DLGAP1: variants seen among roughly 807,000 people sequenced by gnomAD.
The protein encoded by DLGAP1 is disks large-associated protein 1.
A neutral mutation model predicts 90.8 loss-of-function variants in DLGAP1; 11 were observed. The ratio of observed to expected loss-of-function variants is 0.12; its 90% confidence interval spans 0.08 to 0.20. DLGAP1 has a LOEUF of 0.20. Among genes scored for constraint, DLGAP1 ranks in the 10% least tolerant of loss-of-function variants. The pLI is 1.00. For synonymous variants in DLGAP1, 558 were observed against 540.7 expected (o/e 1.03, Z -0.44); for missense variants, 1,050 against 1,333.8 (o/e 0.79, Z 3.31).
chr18:4,288,296 G>A (rs1418393991), intron 1 of DLGAP1, among the ~76,000 whole-genome samples: 2 of 152,286 alleles, frequency 1.3e-5, no homozygotes, highest in South Asian at 4.1e-4. Flanking sequence ...GGGAGGCATA[G>A]TGTCACAATT....
chr18:4,103,057 T>C (rs1165452612), intron 2 of DLGAP1, among the ~76,000 whole-genome samples: 1 of 152,220 alleles, frequency 6.6e-6, no homozygotes, highest in Non-Finnish European at 1.5e-5. Context: ...CCTTTTCTGC[T>C]TCTTCTGGGG....
intron 7 of DLGAP1, among the ~76,000 whole-genome samples, chr18:3,615,455 C>T (rs12607098): frequency 0.63 from 95,567 of 151,864 alleles, 30,549 homozygotes; most frequent in East Asian, 0.74. Context: ...GGGAGGAAAA[C>T]TGGGTCACAA....
intron 1 of DLGAP1, among the ~76,000 whole-genome samples, chr18:4,304,931 C>CA (rs36110099): frequency 0.52 from 74,580 of 142,226 alleles, 22,124 homozygotes; most frequent in East Asian, 0.73. Context: ...AACTGTGTCT[C>CA]AAAAAAAAAA....
At chr18:4,089,152 C>G (rs570972439) in intron 2 of DLGAP1, among the ~76,000 whole-genome samples, 9 of 141,036 alleles carry the variant, frequency 6.4e-5, no homozygotes, top group Admixed American at 6.2e-4. Context: ...TTCCTATACA[C>G]CAACAATAGA....
At chr18:3,779,801 T>G (rs1056110964) in intron 5 of DLGAP1, among the ~76,000 whole-genome samples, 1 of 151,848 alleles carries the variant, frequency 6.6e-6, no homozygotes, top group Non-Finnish European at 1.5e-5. Flanking sequence ...TTTCTTTTTT[T>G]TTTTGAGAGA....
chr18:4,243,426 C>G (rs537320503), intron 1 of DLGAP1, among the ~76,000 whole-genome samples: 23 of 152,172 alleles, frequency 1.5e-4, no homozygotes, highest in African/African-American at 5.3e-4. Flanking sequence ...GGACTTCCTG[C>G]CAGATCCTCC....
At chr18:3,505,796 T>A (rs1179760839) in intron 11 of DLGAP1, among the ~76,000 whole-genome samples, 1 of 152,150 alleles carries the variant, frequency 6.6e-6, no homozygotes, top group Non-Finnish European at 1.5e-5. Flanking sequence ...ATTGCGACTG[T>A]CTTCCCCCAT....
intron 7 of DLGAP1, among the ~76,000 whole-genome samples, chr18:3,662,849 A>C (rs2059733355): frequency 6.6e-6 from 1 of 152,372 alleles, no homozygotes; most frequent in East Asian, 1.9e-4. Context: ...CTGTATTATC[A>C]GTATACGTTG....
At chr18:3,960,097 G>A (rs1568320734) in intron 3 of DLGAP1, among the ~76,000 whole-genome samples, 1 of 152,132 alleles carries the variant, frequency 6.6e-6, no homozygotes, top group Non-Finnish European at 1.5e-5. Flanking sequence ...CTTTTTCTCT[G>A]CCTTGAAACA....
chr18:4,413,963 C>T (rs973709337), intron 1 of DLGAP1, among the ~76,000 whole-genome samples: 2 of 152,130 alleles, frequency 1.3e-5, no homozygotes, highest in Non-Finnish European at 1.5e-5. Flanking sequence ...TGAGGTGGCA[C>T]GAGGTCATCA....
chr18:3,673,407 C>T (rs1312995569), intron 7 of DLGAP1, among the ~76,000 whole-genome samples: 1 of 152,174 alleles, frequency 6.6e-6, no homozygotes, highest in Non-Finnish European at 1.5e-5. Flanking sequence ...CATTGGTTAT[C>T]GTGTACTGTC....
At chr18:3,779,765 T>C (rs201889190) in intron 5 of DLGAP1, among the ~76,000 whole-genome samples, 15 of 37,448 alleles carry the variant, frequency 4.0e-4, no homozygotes, top group East Asian at 2.8e-3. Context: ...CAGTGCACCC[T>C]TTTTTTTTTT....
chr18:4,301,770 A>C (rs999855793), intron 1 of DLGAP1, among the ~76,000 whole-genome samples: 1 of 152,218 alleles, frequency 6.6e-6, no homozygotes, highest in African/African-American at 2.4e-5. Flanking sequence ...CTAACAGTGT[A>C]CAAGGGTTCC....
rs954443377 is a variant in DLGAP1 at position 4,374,194 on chromosome 18, A to G, written c.-267+80812T>C. 2.6e-5 allele frequency among the ~76,000 whole-genome samples: 4 copies of G among 152,142 alleles called. No individual in the cohort carries two copies. The East Asian group carries it at 7.7e-4, about 29-fold the overall frequency. On this transcript the variant is annotated intron_variant, in intron 1 of 12. Coordinates refer to ENST00000315677, the MANE Select transcript of DLGAP1 (RefSeq NM_004746.4). ...GAACGCATGACCAGGCTGGCCACTG[A>G]CCACATATCACTGTCTAGAGGACTA...
At chr18:3,673,886 A>G (rs2146784943) in intron 7 of DLGAP1, among the ~76,000 whole-genome samples, 1 of 149,208 alleles carries the variant, frequency 6.7e-6, no homozygotes, top group East Asian at 2.0e-4. Flanking sequence ...TCTGTTGCCC[A>G]GGCTGGAGTG....
Position 3,600,757 on chromosome 18 carries a change from GATATATAGATAT to G in DLGAP1, c.1592-18521_1592-18510del, listed in dbSNP as rs2056881970. The stretch of plus-strand genomic sequence containing the variant: ...ATATATAGATATATAGATATATATA[GATATATAGATAT>G]ATATAGATATATAGATATATATAGA... On this transcript the variant is annotated intron_variant, in intron 7 of 12. Transcript: ENST00000315677. Among the ~76,000 whole-genome samples, 2 of 8,718 alleles carry G rather than the reference GATATATAGATAT, an allele frequency of 2.3e-4. 1 individual carries two copies. The highest frequency in any genetic ancestry group is 9.2e-4 in the African/African-American group (2 of 2,180). The allele number at this position is 8,718 out of a possible 152,430, so 5.7% of individuals were successfully genotyped here.
intron 3 of DLGAP1, chr18:3,978,230 A>G (rs2073641311): frequency 1.0e-4 from 43 of 431,408 alleles, no homozygotes; most frequent in South Asian, 7.5e-4. Context: ...CTCATCGTTC[A>G]TGCCCATCAG....
rs530212335 is a variant in DLGAP1, at chr18:4,179,757, A to T, written c.-266-28470T>A. The stretch of plus-strand genomic sequence containing the variant: ...AAGCTCTTTCTTCTATTTTAAGTAC[A>T]TGAATCCTAGAATCAAAACTTCTGG... On this transcript the variant is annotated intron_variant, in intron 1 of 12. Coordinates refer to ENST00000315677, the MANE Select transcript of DLGAP1 (RefSeq NM_004746.4). 6.6e-5 allele frequency among the ~76,000 whole-genome samples: 10 copies of T among 152,308 alleles called. No individual in the cohort carries two copies. The South Asian group carries it at 2.1e-3, about 32-fold the overall frequency.
chr18:4,302,774 G>C (rs889939606), intron 1 of DLGAP1, among the ~76,000 whole-genome samples: 1 of 152,146 alleles, frequency 6.6e-6, no homozygotes, highest in Non-Finnish European at 1.5e-5. Flanking sequence ...AATTTTAATA[G>C]AGACTGCACT....
Sources: gnomAD v4.1 joint callset for allele counts (sites outside exome capture counted in the v4.1 genomes callset) on GRCh38, gnomAD v4.1.1 for gene constraint, MANE v1.5 for transcripts, NCBI Gene and HGNC (gene_info 2026-07-23, HGNC 2026-07-21) for gene names.